TRAPPC11: variants seen among roughly 807,000 people sequenced by gnomAD.
TRAPPC11 encodes the protein foie gras homolog.
In TRAPPC11, 104 loss-of-function variants were observed where a neutral mutation model predicts 151.2. The ratio of observed to expected loss-of-function variants is 0.69; its 90% CI spans 0.59 to 0.81. The LOEUF (loss-of-function observed/expected upper bound fraction) is 0.81, where lower values mean the gene tolerates loss of function less well. Among genes scored for constraint, TRAPPC11 ranks in the 30% least tolerant of loss-of-function variants. The probability of loss-of-function intolerance (pLI) is 0.00; values close to 1 mark genes in which losing one functional copy is unlikely to be tolerated. For missense variants in TRAPPC11, 1,230 were observed against 1,349.6 expected, an observed-to-expected ratio of 0.91 and a Z score of 1.39; for synonymous variants, 456 against 472.3, an observed-to-expected ratio of 0.97 and a Z score of 0.45.
At chr4:183,663,581 C>T (rs567051437) in intron 1 of TRAPPC11, among the ~76,000 whole-genome samples, 5 of 152,160 alleles carry the variant, frequency 3.3e-5, no homozygotes, top group Admixed American at 6.5e-5. Flanking sequence ...GTTGGCTAGG[C>T]TGGTCTTTAA....
chr4:183,684,634 C>T, intron 14 of TRAPPC11, 62 bp from the exon 15 acceptor site: 1 of 1,549,162 alleles, frequency 6.5e-7, no homozygotes. Context: ...TTTTTTTCTC[C>T]ATGAACTCTT....
At chr4:183,688,371 C>T (rs144542304) in intron 18 of TRAPPC11, among the ~76,000 whole-genome samples, 135 of 152,228 alleles carry the variant, frequency 8.9e-4, no homozygotes, top group Middle Eastern at 3.4e-3. Context: ...GAAACAGAAG[C>T]GCACAATCTG....
chr4:183,673,031 C>G (rs1385949424), intron 5 of TRAPPC11, among the ~76,000 whole-genome samples: 4 of 149,178 alleles, frequency 2.7e-5, no homozygotes, highest in Non-Finnish European at 5.9e-5. Context: ...GGCGTCATCT[C>G]CGTTCATTGC....
chr4:183,664,712 G>A (rs1734752834), intron 2 of TRAPPC11, among the ~76,000 whole-genome samples: 2 of 152,238 alleles, frequency 1.3e-5, no homozygotes, highest in South Asian at 4.1e-4. Flanking sequence ...ACAGTTTACT[G>A]TTTTAAGCAG....
intron 1 of TRAPPC11, among the ~76,000 whole-genome samples, chr4:183,662,593 T>C (rs1456494259): frequency 6.6e-6 from 1 of 152,100 alleles, no homozygotes; most frequent in Non-Finnish European, 1.5e-5. Flanking sequence ...AAAGAGTAAA[T>C]TTTATATTGT....
At chr4:183,672,965 T>G (rs1367204609) in intron 5 of TRAPPC11, among the ~76,000 whole-genome samples, 4 of 150,278 alleles carry the variant, frequency 2.7e-5, no homozygotes, top group African/African-American at 4.9e-5. Flanking sequence ...CGCAAATTTT[T>G]TTTTTTTTTT....
At chr4:183,681,770 C>A (rs1375441769) in intron 10 of TRAPPC11, among the ~76,000 whole-genome samples, 5 of 52,304 alleles carry the variant, frequency 9.6e-5, no homozygotes, top group South Asian at 1.6e-3. Flanking sequence ...ACAACTCTGT[C>A]TCAAAAAGAA....
chr4:183,703,058 C>T (rs979628539), intron 26 of TRAPPC11, among the ~76,000 whole-genome samples: 1 of 152,104 alleles, frequency 6.6e-6, no homozygotes, highest in Non-Finnish European at 1.5e-5. Flanking sequence ...TATGTAATTA[C>T]ATGGTATGAC....
chr4:183,666,556 T>G, intron 3 of TRAPPC11, 130 bp downstream of exon 3: 1 of 818,764 alleles, frequency 1.2e-6, no homozygotes, highest in Non-Finnish European at 1.9e-6. Flanking sequence ...CAGTGAATCT[T>G]GTTCACTTCC....
In TRAPPC11 at chr4:183,661,919, G is replaced by T. The variant is rs1259397163; in HGVS notation, c.-21-1928G>T. 3.3e-5 allele frequency among the ~76,000 whole-genome samples: 5 copies of T among 151,680 alleles called. No individual in the cohort carries two copies. In the East Asian group the frequency reaches 9.7e-4, roughly 29 times the overall value. On this transcript the variant is annotated intron_variant, in intron 1 of 29. Coordinates refer to ENST00000334690, the MANE Select transcript of TRAPPC11 (RefSeq NM_021942.6). ...TGGGACTACAAGTGAGCACCACCAT[G>T]CCCGGCTATTTTCTTTTTTATTTCT...
At chr4:183,677,016 C>T (rs1349706575) in intron 7 of TRAPPC11, among the ~76,000 whole-genome samples, 1 of 152,128 alleles carries the variant, frequency 6.6e-6, no homozygotes, top group Non-Finnish European at 1.5e-5. Flanking sequence ...CCGCCCACCT[C>T]AGCCTCTCAA....
At chr4:183,693,546 CT>C (rs34363076) in intron 20 of TRAPPC11, 42 bp from the exon 21 acceptor site, 267 of 1,536,712 alleles carry the variant, frequency 1.7e-4, no homozygotes, top group South Asian at 4.8e-4. Context: ...AATTTATTTG[CT>C]TTTTTTTTGA....
At chr4:183,707,727 T>C (rs747157786) in intron 28 of TRAPPC11, among the ~76,000 whole-genome samples, 1 of 152,236 alleles carries the variant, frequency 6.6e-6, no homozygotes, top group Non-Finnish European at 1.5e-5. Context: ...TGCTGTATGT[T>C]CAGGTACTGT....
chr4:183,682,874 A>G (rs763533468), intron 11 of TRAPPC11, 49 bp downstream of exon 11: 1 of 1,201,070 alleles, frequency 8.3e-7, no homozygotes, highest in Non-Finnish European at 1.2e-6. Flanking sequence ...AAAAGGCAAC[A>G]ATAGCTATAA....
chr4:183,702,412 A>G (rs1044009734), intron 26 of TRAPPC11, among the ~76,000 whole-genome samples: 1 of 152,110 alleles, frequency 6.6e-6, no homozygotes, highest in African/African-American at 2.4e-5. Flanking sequence ...AAAAACGTAA[A>G]TGCCCATCAA....
chr4:183,679,244 G>C, intron 8 of TRAPPC11, 109 bp from the exon 9 acceptor site: 1 of 1,148,818 alleles, frequency 8.7e-7, no homozygotes, highest in Non-Finnish European at 1.2e-6. Flanking sequence ...TTCAGAGAAG[G>C]AAATTTCATT....
chr4:183,703,145 C>A (rs1391417666), intron 26 of TRAPPC11, among the ~76,000 whole-genome samples: 1 of 152,146 alleles, frequency 6.6e-6, no homozygotes, highest in Non-Finnish European at 1.5e-5. Flanking sequence ...TCATGAAGAG[C>A]ACCCATACCT....
At chr4:183,712,519 T>C (rs370439082) in intron 29 of TRAPPC11, 81 bp from the exon 30 acceptor site, 4 of 1,356,142 alleles carry the variant, frequency 2.9e-6, no homozygotes, top group Admixed American at 1.8e-5. Context: ...GTTTCAAGAA[T>C]TTAAAAATCC....
At chr4:183,687,048 G>C (rs532988300) in intron 18 of TRAPPC11, among the ~76,000 whole-genome samples, 6 of 152,236 alleles carry the variant, frequency 3.9e-5, no homozygotes, top group African/African-American at 1.4e-4. Flanking sequence ...GGGTGTGGTG[G>C]CACGTGCCTG....
Sources: gnomAD v4.1 joint callset for allele counts (sites outside exome capture counted in the v4.1 genomes callset) on GRCh38, gnomAD v4.1.1 for gene constraint, MANE v1.5 for transcripts, NCBI Gene and HGNC (gene_info 2026-07-23, HGNC 2026-07-21) for gene names.